Variants in DPY19L1 observed in about 807,000 individuals in gnomAD.
DPY19L1 encodes the protein dpy-19 like C-mannosyltransferase 1.
DPY19L1 carries 35 observed loss-of-function variants against 96.9 expected under a neutral mutation model. The ratio of observed to expected loss-of-function variants is 0.36; its 90% CI spans 0.28 to 0.48. The LOEUF (loss-of-function observed/expected upper bound fraction) is 0.48. Among genes scored for constraint, DPY19L1 ranks in the 20% least tolerant of loss-of-function variants. The probability of loss-of-function intolerance (pLI) is 0.99; values close to 1 mark genes in which losing one functional copy is unlikely to be tolerated. For synonymous variants in DPY19L1, 205 were observed against 252.6 expected, an observed-to-expected ratio of 0.81 and a Z score of 1.79; for missense variants, 521 against 777.9, an observed-to-expected ratio of 0.67 and a Z score of 3.93.
At chr7:35,031,716 AAACTT>A (rs1212690642) in intron 1 of DPY19L1, among the ~76,000 whole-genome samples, 4 of 152,216 alleles carry the variant, frequency 2.6e-5, no homozygotes, top group African/African-American at 9.6e-5. Context: ...TACATAAACT[AAACTT>A]ATCAAATTTG....
intron 7 of DPY19L1, among the ~76,000 whole-genome samples, chr7:34,974,129 T>C (rs1361007947): frequency 3.3e-5 from 5 of 152,188 alleles, no homozygotes; most frequent in Admixed American, 6.6e-5. Context: ...AAGTAGGCAG[T>C]GTAATCAAAT....
chr7:35,037,340 G>A lies in DPY19L1; in HGVS notation c.55C>T (p.Pro19Ser). The A allele has an allele frequency of 2.8e-6, 1 of 357,782 alleles. No homozygotes were observed. Among genetic ancestry groups the A allele is most frequent in the Non-Finnish European group, 5.0e-6 (1 of 199,956 alleles). 22.2% of individuals were successfully genotyped at this position (357,782 alleles called of 1,614,324 possible). A position where few individuals can be genotyped will look rare whatever the true frequency, so the allele number is the denominator to read the frequency against. The part of the protein sequence containing the change: ...HREAAPKPPQ[P>S]PRASQSPLRG... ...AGCGGCGACTGTGAGGCGCGGGGTGGCTGGGGCGGCTTGGGAGCCGCCTCC... is the reference window on the plus strand; with the variant it reads ...AGCGGCGACTGTGAGGCGCGGGGTGACTGGGGCGGCTTGGGAGCCGCCTCC... Residue 19 changes from proline to serine, a missense_variant, in exon 1 of 22, where the codon CCA becomes TCA. Coordinates refer to ENST00000638088, the MANE Select transcript of DPY19L1 (RefSeq NM_001366673.1).
chr7:34,967,895 T>C (rs1353265929), intron 9 of DPY19L1, among the ~76,000 whole-genome samples: 2 of 152,172 alleles, frequency 1.3e-5, no homozygotes, highest in Non-Finnish European at 2.9e-5. Context: ...CTGCATTTCT[T>C]AGGGTGCCTG....
intron 1 of DPY19L1, among the ~76,000 whole-genome samples, chr7:35,031,768 ACTT>A (rs1177638900): frequency 1.3e-5 from 2 of 152,190 alleles, no homozygotes; most frequent in Non-Finnish European, 2.9e-5. Context: ...TATTCAGAAA[ACTT>A]CTAACTGTAT....
In DPY19L1 at chr7:34,945,671, C is replaced by T. The variant is rs1446019466; in HGVS notation, c.1540G>A (p.Val514Ile). 1.4e-5 allele frequency: 22 copies of T among 1,594,802 alleles called. No homozygotes were observed. Among genetic ancestry groups the T allele is most frequent in the African/African-American group, 2.7e-5 (2 of 74,268 alleles). Reference sequence around the variant, plus strand: ...AATTCTTAATAGCATATTTACCTTACATGTGTCTGTTGTTTAGCTAAGACA... The same window carrying T: ...AATTCTTAATAGCATATTTACCTTATATGTGTCTGTTGTTTAGCTAAGACA... ...WGVLAKQQTH[V>I]RKHQFDHGEL... Residue 514 changes from valine (V) to isoleucine (I), a missense_variant, in exon 16 of 22, where the codon GTA becomes ATA. Transcript: ENST00000638088.
chr7:35,028,927 C>T (rs755718685), intron 1 of DPY19L1, among the ~76,000 whole-genome samples: 15 of 152,110 alleles, frequency 9.9e-5, no homozygotes, highest in Non-Finnish European at 1.8e-4. Context: ...TTTTAGCATG[C>T]TAATGTATTA....
At chr7:34,953,460 C>G (rs998343933) in intron 13 of DPY19L1, among the ~76,000 whole-genome samples, 29 of 152,130 alleles carry the variant, frequency 1.9e-4, no homozygotes, top group South Asian at 4.1e-4. Context: ...CCTGATCACG[C>G]TCTGCATATT....
chr7:34,961,588 G>A (rs1021795393), intron 10 of DPY19L1, among the ~76,000 whole-genome samples: 20 of 152,160 alleles, frequency 1.3e-4, no homozygotes, highest in African/African-American at 4.6e-4. Context: ...TAGGTATGGT[G>A]ATGACTTCTT....
chr7:35,024,798 C>A (rs1414167359), intron 1 of DPY19L1, among the ~76,000 whole-genome samples: 3 of 152,206 alleles, frequency 2.0e-5, no homozygotes, highest in Non-Finnish European at 2.9e-5. Flanking sequence ...GATTACAGCA[C>A]CTAAATAGCT....
rs186668724 is a variant in DPY19L1 at position 35,032,774 on chromosome 7, T to C, written c.298+4323A>G. The stretch of plus-strand genomic sequence containing the variant: ...GTGAATGCCAGCATTATTTACCCAA[T>C]TAGAGAAGCCAAAAATGTACAAAGT... On this transcript the variant is annotated intron_variant, in intron 1 of 21. Transcript: ENST00000638088. Among the ~76,000 whole-genome samples, 6 of 152,240 alleles carry C rather than the reference T, an allele frequency of 3.9e-5. No individual in the cohort carries two copies. The East Asian group carries it at 1.2e-3, about 29-fold the overall frequency.
At chr7:34,965,621 T>C (rs1784593484) in intron 10 of DPY19L1, among the ~76,000 whole-genome samples, 1 of 152,192 alleles carries the variant, frequency 6.6e-6, no homozygotes, top group African/African-American at 2.4e-5. Flanking sequence ...GTTTATTTTA[T>C]GACCGTGTTT....
Position 34,929,734 on chromosome 7 carries a change from G to C in DPY19L1, c.*1839C>G, listed in dbSNP as rs367845334. 1.2e-4 allele frequency: 19 copies of C among 152,334 alleles called. No individual in the cohort carries two copies. The highest frequency in any genetic ancestry group is 4.6e-4 in the African/African-American group (19 of 41,578). 9.4% of individuals were successfully genotyped at this position (152,334 alleles called of 1,614,324 possible). A position where few individuals can be genotyped will look rare whatever the true frequency, so the allele number is the denominator to read the frequency against. ...TGTCCACCGCCCATTTTCCTGGACT[G>C]TTGTGCATCATCGCTCAAATGTTGC... On this transcript the variant is annotated 3_prime_UTR_variant, in exon 22 of 22. Coordinates refer to ENST00000638088, the MANE Select transcript of DPY19L1 (RefSeq NM_001366673.1).
At chr7:34,932,773 C>A (rs1472829716) in intron 21 of DPY19L1, among the ~76,000 whole-genome samples, 1 of 152,152 alleles carries the variant, frequency 6.6e-6, no homozygotes, top group East Asian at 1.9e-4. Context: ...ATGCTGCTAT[C>A]TACCTTTTGA....
rs183703289 is a variant in DPY19L1, at chr7:34,962,304, G to A, written c.1093-4234C>T. On this transcript the variant is annotated intron_variant, in intron 10 of 21. Transcript: ENST00000638088. ...CTATCAAGCCATGAAAAGACTTGGA[G>A]GAAACTTATTTGCTTTTTACTAAGT... Among the ~76,000 whole-genome samples, 392 of 152,274 alleles carry A rather than the reference G, an allele frequency of 2.6e-3. 8 individuals carry two copies. The highest frequency in any genetic ancestry group is 0.023 in the Admixed American group (348 of 15,294).
rs191231008 is a variant in DPY19L1, at chr7:34,936,426, G to A, written c.2090+1568C>T. Among the ~76,000 whole-genome samples the A allele has an allele frequency of 3.8e-3, 574 of 152,222 alleles. 3 individuals carry two copies. The highest frequency in any genetic ancestry group is 0.011 in the African/African-American group (476 of 41,544). On this transcript the variant is annotated intron_variant, in intron 21 of 21. Coordinates refer to ENST00000638088, the MANE Select transcript of DPY19L1 (RefSeq NM_001366673.1). ...TGTTAGCTTGGAGAAAAAAGGTTAC[G>A]AAAATTATTTTTATGTTCCAGTAAC...
intron 1 of DPY19L1, among the ~76,000 whole-genome samples, chr7:35,023,426 C>G (rs1348745273): frequency 6.6e-6 from 1 of 152,256 alleles, no homozygotes; most frequent in African/African-American, 2.4e-5. Flanking sequence ...TCTCTGTAAC[C>G]TGCAGGCTGC....
At chr7:34,957,585 G>C (rs935260227) in intron 11 of DPY19L1, among the ~76,000 whole-genome samples, 52 of 150,968 alleles carry the variant, frequency 3.4e-4, no homozygotes, top group African/African-American at 1.2e-3. Flanking sequence ...GTAGACAAGG[G>C]GCAAAAAACA....
At chr7:35,026,091 A>G (rs1373593473) in intron 1 of DPY19L1, among the ~76,000 whole-genome samples, 3 of 151,936 alleles carry the variant, frequency 2.0e-5, no homozygotes, top group East Asian at 3.9e-4. Flanking sequence ...TTTTTTTTAT[A>G]TATTCATAAG....
intron 21 of DPY19L1, among the ~76,000 whole-genome samples, chr7:34,937,439 T>A (rs530473743): frequency 2.6e-5 from 4 of 152,320 alleles, no homozygotes; most frequent in African/African-American, 9.6e-5. Context: ...TTTCAGACCC[T>A]GGAAGTCTTT....
Sources: allele counts gnomAD v4.1 joint callset (sites outside exome capture counted in the v4.1 genomes callset), GRCh38; gene constraint gnomAD v4.1.1; transcripts MANE v1.5; gene names NCBI Gene and HGNC (gene_info 2026-07-23, HGNC 2026-07-21).